The following ABHD2 variants were observed in gnomAD, a reference collection of about 807,000 sequenced individuals.
The protein encoded by ABHD2 is abhydrolase domain containing 2, acylglycerol lipase.
Under a neutral mutation model 48.1 loss-of-function variants are expected in ABHD2, and 20 were observed. The ratio of observed to expected loss-of-function variants is 0.42; its 90% confidence interval spans 0.29 to 0.60. The LOEUF (loss-of-function observed/expected upper bound fraction) is 0.60, where lower values mean the gene tolerates loss of function less well. Among genes scored for constraint, ABHD2 ranks in the 20% least tolerant of loss-of-function variants. ABHD2 has a pLI of 0.24. For synonymous variants in ABHD2, 209 were observed against 214.2 expected (o/e 0.98, Z 0.21); for missense variants, 405 against 550.9 (o/e 0.74, Z 2.65).
chr15:89,186,292 C>G lies in ABHD2; in HGVS notation c.815+776C>G, dbSNP rs2238317. On this transcript the variant is annotated intron_variant, in intron 7 of 10. Coordinates refer to ENST00000352732, the MANE Select transcript of ABHD2 (RefSeq NM_152924.5). The surrounding 1 kb of genome is among the most constrained non-coding windows in gnomAD (Gnocchi z 4.3). ...TCATGCTTGTCCTGCCTCTCCGCCTCGTAATCCTGTGGTGGGTTAACCTGT... is the reference window on the plus strand; with the variant it reads ...TCATGCTTGTCCTGCCTCTCCGCCTGGTAATCCTGTGGTGGGTTAACCTGT... Among the ~76,000 whole-genome samples, 11,875 of 152,200 alleles carry G rather than the reference C, an allele frequency of 0.078. 608 individuals are homozygous for G. Among genetic ancestry groups the G allele is most frequent in the Middle Eastern group, 0.14 (40 of 294 alleles).
chr15:89,112,096 G>A (rs1246659574), intron 1 of ABHD2, among the ~76,000 whole-genome samples: 1 of 152,134 alleles, frequency 6.6e-6, no homozygotes, highest in African/African-American at 2.4e-5. Flanking sequence ...AAGCGGGCCA[G>A]GGATCAGTGT....
In ABHD2 at chr15:89,116,814, G is replaced by A. The variant is rs527322930; in HGVS notation, c.194+293G>A. ...TTTTTAGGCAGATATGGAAAAGTTG[G>A]ACAATATTCTAGTCCTTTAACGAAT... On this transcript the variant is annotated intron_variant, in intron 3 of 10. Transcript: ENST00000352732. This position sits in a 1 kb window ranked among gnomAD's most constrained non-coding sequence, Gnocchi z 4.6. Among the ~76,000 whole-genome samples the A allele has an allele frequency of 1.3e-4, 20 of 152,308 alleles. No individual in the cohort carries two copies. Among genetic ancestry groups the A allele is most frequent in the African/African-American group, 4.8e-4 (20 of 41,564 alleles).
At position 89,173,138 on chromosome 15, in the gene ABHD2, G is replaced by A. The variant is rs2050956327; in HGVS notation, c.539-2674G>A. On this transcript the variant is annotated intron_variant, in intron 5 of 10. Coordinates refer to ENST00000352732, the MANE Select transcript of ABHD2 (RefSeq NM_152924.5). The surrounding 1 kb of genome is among the most constrained non-coding windows in gnomAD (Gnocchi z 6.5). ...GATTTCTAAATTTTTTATTTGTTGC[G>A]TGGTGTAGAAGCTGATATCAGCTAA... Among the ~76,000 whole-genome samples, 3 of 152,348 alleles carry A rather than the reference G, an allele frequency of 2.0e-5. No homozygotes were observed. The highest frequency in any genetic ancestry group is 4.1e-4 in the South Asian group (2 of 4,828).
At chr15:89,112,026 T>C (rs1305048639) in intron 1 of ABHD2, among the ~76,000 whole-genome samples, 1 of 152,132 alleles carries the variant, frequency 6.6e-6, no homozygotes, top group Non-Finnish European at 1.5e-5. Flanking sequence ...TTAGATGCTT[T>C]TCTCCAAAGG....
chr15:89,123,593 C>CTTTTTTT (rs138910210), intron 3 of ABHD2, among the ~76,000 whole-genome samples: 53 of 96,646 alleles, frequency 5.5e-4, no homozygotes, highest in Non-Finnish European at 7.7e-4. Context: ...TTCTTTCTTT[C>CTTTTTTT]TTTTTTTTTT....
Position 89,184,334 on chromosome 15 carries a change from CA to C in ABHD2, c.723-1086del, listed in dbSNP as rs373024689. ...CCTGGATTGAAAAAATAATAAAAAA[CA>C]AAACAAAAAACCTTACAAACCACCT... On this transcript the variant is annotated intron_variant, in intron 6 of 10. Transcript: ENST00000352732. This position sits in a 1 kb window ranked among gnomAD's most constrained non-coding sequence, Gnocchi z 5.1. Among the ~76,000 whole-genome samples, 64 of 152,132 alleles carry C rather than the reference CA, an allele frequency of 4.2e-4. No individual in the cohort carries two copies. The highest frequency in any genetic ancestry group is 1.5e-3 in the African/African-American group (61 of 41,502).
the ABHD2 span, among the ~76,000 whole-genome samples, chr15:89,056,373 A>G: frequency 7.9e-5 from 12 of 152,268 alleles, no homozygotes; most frequent in East Asian, 2.1e-3. Flanking sequence ...AAAGAACACC[A>G]TGCCCCAGTG....
upstream of ABHD2, chr15:89,088,147 T>A (rs995821655): frequency 1.3e-5 from 2 of 152,470 alleles, no homozygotes; most frequent in Non-Finnish European, 2.9e-5. This position sits in a 1 kb window ranked among gnomAD's most constrained non-coding sequence, Gnocchi z 6.8. Context: ...CGACCCACCT[T>A]CTAGCCCTCC....
intron 3 of ABHD2, among the ~76,000 whole-genome samples, chr15:89,131,132 CA>C (rs1471447826): frequency 5.9e-5 from 9 of 152,306 alleles, no homozygotes; most frequent in Non-Finnish European, 1.3e-4. Context: ...TCCTAAAGCA[CA>C]AATTCATCAT....
At chr15:89,049,173 T>TG in the ABHD2 span, among the ~76,000 whole-genome samples, 1 of 152,160 alleles carries the variant, frequency 6.6e-6, no homozygotes, top group African/African-American at 2.4e-5. Context: ...CTGCCCCTGC[T>TG]GGGGGGTGCC....
chr15:89,121,670 G>C (rs2050053711), intron 3 of ABHD2, among the ~76,000 whole-genome samples: 2 of 152,070 alleles, frequency 1.3e-5, no homozygotes, highest in African/African-American at 4.8e-5. Context: ...CAGGCCAGCA[G>C]CCGAGGCATG....
intron 3 of ABHD2, among the ~76,000 whole-genome samples, chr15:89,127,730 T>C (rs1277166040): frequency 6.9e-6 from 1 of 144,914 alleles, no homozygotes; most frequent in Non-Finnish European, 1.5e-5. Flanking sequence ...CACATATATA[T>C]ATATATATAT....
In ABHD2 at chr15:89,135,594, TTCC is replaced by T. The variant is rs2050295806; in HGVS notation, c.195-16080_195-16078del. On this transcript the variant is annotated intron_variant, in intron 3 of 10. Transcript: ENST00000352732. ...CCTCCTCATTCTTATCCTCTTCATC[TTCC>T]TCATCTTCCTCCTCTTCCTTCTTTT... The T allele has an allele frequency of 1.9e-6, 3 of 1,538,664 alleles. No individual in the cohort carries two copies. The Admixed American group carries it at 5.6e-5, about 29-fold the overall frequency.
intron 5 of ABHD2, among the ~76,000 whole-genome samples, chr15:89,156,939 A>G (rs1167179509): frequency 6.6e-6 from 1 of 152,230 alleles, no homozygotes; most frequent in Non-Finnish European, 1.5e-5. Flanking sequence ...TCATCTCACC[A>G]TAACTATAAT....
Position 89,201,661 on chromosome 15 carries a change from A to G in ABHD2, c.*6238A>G. 1.2e-6 allele frequency: 2 copies of G among 1,607,984 alleles called. No individual in the cohort carries two copies. On this transcript the variant is annotated 3_prime_UTR_variant, in exon 11 of 11. Transcript: ENST00000352732. ...GGCACGGTAGTCTTCACTTTGAAACACACTTTTCTATCCGATGGATTTCGC... is the reference window on the plus strand; with the variant it reads ...GGCACGGTAGTCTTCACTTTGAAACGCACTTTTCTATCCGATGGATTTCGC...
chr15:89,170,179 C>CTCCCT (rs532975683), intron 5 of ABHD2, among the ~76,000 whole-genome samples: 2 of 142,890 alleles, frequency 1.4e-5, no homozygotes, highest in South Asian at 4.6e-4. Context: ...TCACTGCAAC[C>CTCCCT]TCCCTTCCCA....
the ABHD2 span, among the ~76,000 whole-genome samples, chr15:89,047,965 G>A: frequency 6.7e-6 from 1 of 148,748 alleles, no homozygotes; most frequent in African/African-American, 2.5e-5. Context: ...TATTTTGCTC[G>A]ATAGTTCATG....
the ABHD2 span, among the ~76,000 whole-genome samples, chr15:89,068,881 GC>G: frequency 7.2e-6 from 1 of 139,406 alleles, no homozygotes; most frequent in Non-Finnish European, 1.5e-5. Context: ...TGATTCTCCT[GC>G]CTCAGCCTCC....
At chr15:89,101,684 G>T (rs976679636) in intron 1 of ABHD2, among the ~76,000 whole-genome samples, 10 of 152,236 alleles carry the variant, frequency 6.6e-5, no homozygotes, top group Non-Finnish European at 1.5e-5. Flanking sequence ...GCAGAGAAGA[G>T]ACTAGCAAAT....
Sources: allele counts gnomAD v4.1 joint callset (sites outside exome capture counted in the v4.1 genomes callset), GRCh38; gene constraint gnomAD v4.1.1; non-coding constraint Gnocchi (gnomAD v3.1); transcripts MANE v1.5; gene names NCBI Gene and HGNC (gene_info 2026-07-23, HGNC 2026-07-21).